The following UBE3A variants were observed in gnomAD, a reference collection of about 807,000 sequenced individuals.
UBE3A encodes ubiquitin-protein ligase E3A.
UBE3A carries 6 observed loss-of-function variants against 83.4 expected under a neutral mutation model. The ratio of observed to expected loss-of-function variants is 0.07; its 90% CI spans 0.04 to 0.14. The LOEUF (loss-of-function observed/expected upper bound fraction) is 0.14, where lower values mean the gene tolerates loss of function less well. Ranked by LOEUF, UBE3A falls within the 10% of genes least tolerant of loss-of-function variation. UBE3A has a pLI of 1.00. For synonymous variants in UBE3A, 337 were observed against 355.4 expected (o/e 0.95, Z 0.58); for missense variants, 456 against 1,036.1 (o/e 0.44, Z 7.69).
rs140105437 is a variant in UBE3A, at chr15:25,358,604, A to G, written c.1754-1708T>C. Among the ~76,000 whole-genome samples, 621 of 152,320 alleles carry G rather than the reference A, an allele frequency of 4.1e-3. 2 individuals carry two copies. Among genetic ancestry groups the G allele is most frequent in the African/African-American group, 0.014 (589 of 41,582 alleles). ...TCCAATAGAAAAGTAGAGCTTAGAA[A>G]TCAGAAATCAAATTATACAGTATAT... On this transcript the variant is annotated intron_variant, in intron 7 of 12. Transcript: ENST00000648336.
intron 4 of UBE3A, among the ~76,000 whole-genome samples, chr15:25,385,616 C>G (rs1253495080): frequency 6.6e-6 from 1 of 152,044 alleles, no homozygotes; most frequent in Non-Finnish European, 1.5e-5. Flanking sequence ...ATCCTAACAA[C>G]AAGTAAAAAA....
At chr15:25,408,494 T>A (rs755433023) in intron 3 of UBE3A, 86 of 1,288,116 alleles carry the variant, frequency 6.7e-5, no homozygotes, top group Non-Finnish European at 9.1e-5. Flanking sequence ...CATTGGATAA[T>A]AAAATGTAAA....
intron 1 of UBE3A, among the ~76,000 whole-genome samples, chr15:25,429,523 T>C (rs1362946751): frequency 1.3e-5 from 2 of 151,894 alleles, no homozygotes; most frequent in Admixed American, 1.3e-4. Flanking sequence ...CCTACTTCAC[T>C]AAAAACAAAA....
rs549884714 is a variant in UBE3A, at chr15:25,337,901, T to C, written c.*1236A>G. ...AGTAATGTAAACCTACTTGTACTTT[T>C]CCATAGTACATGAAAGTAACGTTTA... On this transcript the variant is annotated 3_prime_UTR_variant, in exon 13 of 13. Transcript: ENST00000648336. The C allele has an allele frequency of 6.6e-6, 1 of 152,312 alleles. No individual in the cohort carries two copies. The allele number at this position is 152,312 out of a possible 1,614,324, so 9.4% of individuals were successfully genotyped here.
Position 25,337,932 on chromosome 15 carries a change from T to C in UBE3A, c.*1205A>G, listed in dbSNP as rs1381213330. On this transcript the variant is annotated 3_prime_UTR_variant, in exon 13 of 13. Coordinates refer to ENST00000648336, the MANE Select transcript of UBE3A (RefSeq NM_130839.5). The stretch of plus-strand genomic sequence containing the variant: ...GTACATGAAAGTAACGTTTAACATG[T>C]TTTGAATTAATTAATTAAATTTAAT... 6.6e-6 allele frequency: 1 copy of C among 152,174 alleles called. No individual in the cohort carries two copies. Among genetic ancestry groups the C allele is most frequent in the East Asian group, 1.9e-4 (1 of 5,200 alleles). The allele number at this position is 152,174 out of a possible 1,614,324, so 9.4% of individuals were successfully genotyped here.
intron 1 of UBE3A, among the ~76,000 whole-genome samples, chr15:25,421,096 C>T (rs962066439): frequency 3.3e-5 from 5 of 152,166 alleles, no homozygotes; most frequent in Non-Finnish European, 5.9e-5. Flanking sequence ...GGGGGTGGGG[C>T]CTGGTGGGAG....
chr15:25,372,880 A>G (rs768245470), intron 5 of UBE3A, among the ~76,000 whole-genome samples: 1 of 151,722 alleles, frequency 6.6e-6, no homozygotes, highest in Non-Finnish European at 1.5e-5. Context: ...AGAATTTTTA[A>G]TGACTCCCAC....
Position 25,356,822 on chromosome 15 carries a change from T to A in UBE3A, c.1828A>T (p.Thr610Ser). ...PSSFETEGQF[T>S]LIGIVLGLAI... ...AGACCCAGTACTATGCCAATCAGAG[T>A]AAACTGACCCTCAGTTTCAAAAGAA... Residue 610 changes from threonine (T) to serine (S), a missense_variant, in exon 8 of 13, where the codon ACT becomes TCT. Transcript: ENST00000648336. 6.2e-7 allele frequency: 1 copy of A among 1,613,782 alleles called. No individual in the cohort carries two copies. Among genetic ancestry groups the A allele is most frequent in the Non-Finnish European group, 8.5e-7 (1 of 1,179,874 alleles).
Position 25,398,804 on chromosome 15 carries a change from TATATATATATAA to T in UBE3A, c.62+6645_62+6656del, listed in dbSNP as rs1270183039. Among the ~76,000 whole-genome samples the T allele has an allele frequency of 0.021, 1,624 of 77,104 alleles. 133 individuals carry two copies. The East Asian group carries it at 0.36, about 17-fold the overall frequency. The allele number at this position is 77,104 out of a possible 152,430, so 50.6% of individuals were successfully genotyped here. A position where few individuals can be genotyped will look rare whatever the true frequency, so the allele number is the denominator to read the frequency against. On this transcript the variant is annotated intron_variant, in intron 4 of 12. Coordinates refer to ENST00000648336, the MANE Select transcript of UBE3A (RefSeq NM_130839.5). ...ATATATATATATATATATATATATATATATATATATAAAAATACATATATATCCAAGTGTGAC... is the reference window on the plus strand; with the variant it reads ...ATATATATATATATATATATATATATAAATACATATATATCCAAGTGTGAC...
At chr15:25,398,781 A>G (rs1378042288) in intron 4 of UBE3A, among the ~76,000 whole-genome samples, 3 of 25,788 alleles carry the variant, frequency 1.2e-4, no homozygotes, top group African/African-American at 4.7e-4. Context: ...TTATATATAT[A>G]TATATATATA....
At chr15:25,343,215 C>T (rs1557873) in intron 11 of UBE3A, among the ~76,000 whole-genome samples, 17,636 of 152,080 alleles carry the variant, frequency 0.12, 1,080 homozygotes, top group Middle Eastern at 0.23. Context: ...AAACAGAATT[C>T]GGAAGTCTAA....
chr15:25,372,426 C>CAGGA (rs1472706489), intron 5 of UBE3A, among the ~76,000 whole-genome samples: 1 of 152,112 alleles, frequency 6.6e-6, no homozygotes, highest in Non-Finnish European at 1.5e-5. Flanking sequence ...TTTCCACAGC[C>CAGGA]AGGAATCAGG....
chr15:25,353,118 A>T (rs1296184713), intron 11 of UBE3A, among the ~76,000 whole-genome samples: 1 of 152,122 alleles, frequency 6.6e-6, no homozygotes, highest in African/African-American at 2.4e-5. Context: ...CTTGTGACTG[A>T]TGAGGGGGGT....
chr15:25,354,739 C>A, intron 9 of UBE3A, 56 bp from the exon 10 acceptor site: 1 of 1,504,510 alleles, frequency 6.6e-7, no homozygotes, highest in Non-Finnish European at 9.2e-7. Context: ...AAACAAAACA[C>A]AAGTTATTGG....
intron 1 of UBE3A, among the ~76,000 whole-genome samples, chr15:25,434,531 T>G (rs1894419482): frequency 6.6e-6 from 1 of 152,248 alleles, no homozygotes; most frequent in Non-Finnish European, 1.5e-5. Flanking sequence ...TATTTCTATT[T>G]AAGGTAATTT....
In UBE3A at chr15:25,405,511, T is replaced by G; in HGVS notation, c.21-9A>C. 1 of 1,613,654 alleles carries G rather than the reference T, an allele frequency of 6.2e-7. No individual in the cohort carries two copies. The highest frequency in any genetic ancestry group is 1.3e-5 in the African/African-American group (1 of 74,920). On this transcript the variant is annotated splice_polypyrimidine_tract_variant and intron_variant, in intron 3 of 12. Coordinates refer to ENST00000648336, the MANE Select transcript of UBE3A (RefSeq NM_130839.5). ...ACTGAGGTTCTCCTGATCTGTAAAA[T>G]GCAATTGAGAAACAGTTAGCAAAAT... is the stretch of plus-strand genomic sequence containing the variant.
At chr15:25,340,257 C>T in intron 11 of UBE3A, 29 bp from the exon 12 acceptor site, 2 of 1,608,012 alleles carry the variant, frequency 1.2e-6, no homozygotes, top group African/African-American at 2.7e-5. Flanking sequence ...ATACTGGTTT[C>T]AGTTTGGCAT....
chr15:25,342,938 T>C (rs2107455), intron 11 of UBE3A, among the ~76,000 whole-genome samples: 27,191 of 151,930 alleles, frequency 0.18, 3,037 homozygotes, highest in African/African-American at 0.31. Flanking sequence ...GCACCATGCA[T>C]GAAAGGAAGG....
At chr15:25,360,883 T>TAACCTCAA (rs2077960944) in intron 6 of UBE3A, among the ~76,000 whole-genome samples, 1 of 152,202 alleles carries the variant, frequency 6.6e-6, no homozygotes, top group Non-Finnish European at 1.5e-5. Flanking sequence ...AGTAGAGGTC[T>TAACCTCAA]AACCTCAAAA....
Sources: gnomAD v4.1 joint callset for allele counts (sites outside exome capture counted in the v4.1 genomes callset) on GRCh38, gnomAD v4.1.1 for gene constraint, MANE v1.5 for transcripts, NCBI Gene and HGNC (gene_info 2026-07-23, HGNC 2026-07-21) for gene names.